The following PRRX2 variants were observed in gnomAD, a reference collection of about 807,000 sequenced individuals.
PRRX2 encodes the protein paired related homeobox 2, also known as paired mesoderm homeobox protein 2.
Under a neutral mutation model 18.0 loss-of-function variants are expected in PRRX2, and 11 were observed. That is an observed-to-expected ratio of 0.61 (90% CI 0.39 to 1.01). The LOEUF is 1.01. Ranked by LOEUF, PRRX2 falls within the 50% of genes least tolerant of loss-of-function variation. The pLI, the probability that PRRX2 is intolerant of heterozygous loss-of-function variation, is 0.01. For synonymous variants in PRRX2, 177 were observed against 154.8 expected, an observed-to-expected ratio of 1.14 and a Z score of -1.06; for missense variants, 387 against 351.0, an observed-to-expected ratio of 1.10 and a Z score of -0.82.
At chr9:129,706,423 C>T (rs891953368) in intron 1 of PRRX2, among the ~76,000 whole-genome samples, 13 of 152,122 alleles carry the variant, frequency 8.5e-5, no homozygotes, top group Admixed American at 8.5e-4. Flanking sequence ...AGTTAACAGA[C>T]GTGGTGGCAT....
rs1051489344 is a variant in PRRX2, at chr9:129,675,917, CAAAT to C, written c.259+9794_259+9797del. On this transcript the variant is annotated intron_variant, in intron 1 of 3. Transcript: ENST00000372469. This position sits in a 1 kb window ranked among gnomAD's most constrained non-coding sequence, Gnocchi z 4.4. The stretch of plus-strand genomic sequence containing the variant: ...AGTGCACCTCCTTTCATTAGACTAA[CAAAT>C]AACGCGTAACAGAAAACAGCTGTTA... Among the ~76,000 whole-genome samples the C allele has an allele frequency of 2.6e-5, 4 of 152,180 alleles. No individual in the cohort carries two copies. Among genetic ancestry groups the C allele is most frequent in the African/African-American group, 4.8e-5 (2 of 41,442 alleles).
At chr9:129,705,565 G>A (rs899692502) in intron 1 of PRRX2, among the ~76,000 whole-genome samples, 5 of 151,960 alleles carry the variant, frequency 3.3e-5, no homozygotes, top group African/African-American at 4.8e-5. Flanking sequence ...ATGTTGGCCA[G>A]ACTGGTCTTG....
intron 1 of PRRX2, among the ~76,000 whole-genome samples, chr9:129,700,938 G>A (rs1323238557): frequency 6.6e-6 from 1 of 152,200 alleles, no homozygotes; most frequent in Non-Finnish European, 1.5e-5. Flanking sequence ...CCTTTTGTGG[G>A]CTGGCCTGTT....
intron 3 of PRRX2, among the ~76,000 whole-genome samples, chr9:129,721,736 C>G (rs1012806971): frequency 6.6e-6 from 1 of 152,148 alleles, no homozygotes. Flanking sequence ...CCCGTCACCA[C>G]GCCAAGCTAA....
At chr9:129,711,024 T>C (rs187631272) in intron 1 of PRRX2, among the ~76,000 whole-genome samples, 63 of 152,264 alleles carry the variant, frequency 4.1e-4, no homozygotes, top group African/African-American at 1.5e-3. Context: ...CCTGTGTGCC[T>C]GAAGCCACAT....
chr9:129,677,916 G>A (rs1832180751), intron 1 of PRRX2, among the ~76,000 whole-genome samples: 1 of 151,488 alleles, frequency 6.6e-6, no homozygotes, highest in South Asian at 2.1e-4. Flanking sequence ...TGTTGCTGTT[G>A]CAGCAAATTT....
intron 3 of PRRX2, among the ~76,000 whole-genome samples, chr9:129,721,541 C>T (rs113445148): frequency 0.01 from 1,554 of 152,102 alleles, 8 homozygotes; most frequent in South Asian, 0.019. Flanking sequence ...CCCTATTCAT[C>T]GTTACAGGGG....
At chr9:129,687,555 T>G (rs1446286364) in intron 1 of PRRX2, among the ~76,000 whole-genome samples, 1 of 152,232 alleles carries the variant, frequency 6.6e-6, no homozygotes, top group East Asian at 1.9e-4. Context: ...GGCTTCCCTC[T>G]GCACACTCAA....
At chr9:129,674,312 T>TA (rs918229418) in intron 1 of PRRX2, among the ~76,000 whole-genome samples, 3 of 152,144 alleles carry the variant, frequency 2.0e-5, no homozygotes, top group African/African-American at 7.2e-5. Context: ...CCTTGTGTCC[T>TA]AAAAATGAAG....
At chr9:129,682,935 C>A (rs1245843506) in intron 1 of PRRX2, among the ~76,000 whole-genome samples, 3 of 152,040 alleles carry the variant, frequency 2.0e-5, no homozygotes, top group East Asian at 3.9e-4. Context: ...TGAACCCCCC[C>A]CATCTCTACT....
In PRRX2 at chr9:129,695,907, C is replaced by T. The variant is rs908058834; in HGVS notation, c.260-23324C>T. On this transcript the variant is annotated intron_variant, in intron 1 of 3. Transcript: ENST00000372469. The surrounding 1 kb of genome is among the most constrained non-coding windows in gnomAD (Gnocchi z 4.8). ...TGTAAGCAGCTCAGAAAAAAACACT[C>T]TTCTCCCATTTTAAGGGTGAACATG... is the stretch of plus-strand genomic sequence containing the variant. Among the ~76,000 whole-genome samples, 2 of 152,172 alleles carry T rather than the reference C, an allele frequency of 1.3e-5. No homozygotes were observed. Among genetic ancestry groups the T allele is most frequent in the African/African-American group, 4.8e-5 (2 of 41,436 alleles).
At chr9:129,714,317 C>T (rs1183196428) in intron 1 of PRRX2, among the ~76,000 whole-genome samples, 2 of 150,892 alleles carry the variant, frequency 1.3e-5, no homozygotes, top group African/African-American at 2.4e-5. Flanking sequence ...GTAGCAGAAT[C>T]GCTTGAACCC....
At chr9:129,713,096 C>G (rs903938595) in intron 1 of PRRX2, 3 of 152,222 alleles carry the variant, frequency 2.0e-5, no homozygotes, top group Admixed American at 6.5e-5. Flanking sequence ...GCTGTGGGTT[C>G]GAGTTCTGGT....
chr9:129,699,821 C>T (rs940773759), intron 1 of PRRX2, among the ~76,000 whole-genome samples: 1 of 152,152 alleles, frequency 6.6e-6, no homozygotes, highest in African/African-American at 2.4e-5. Context: ...TCAGTGCAAG[C>T]TTTGGGGAGG....
chr9:129,705,868 G>C (rs1832550919), intron 1 of PRRX2, among the ~76,000 whole-genome samples: 1 of 151,490 alleles, frequency 6.6e-6, no homozygotes, highest in South Asian at 2.1e-4. Context: ...CTGAGGTCAG[G>C]AGTTCAAGAG....
chr9:129,679,557 T>TG (rs547482801), intron 1 of PRRX2, among the ~76,000 whole-genome samples: 389 of 152,252 alleles, frequency 2.6e-3, no homozygotes, highest in Non-Finnish European at 4.1e-3. Flanking sequence ...AGTAAGTACG[T>TG]GGGGGCACCA....
chr9:129,690,311 T>C (rs1208472075), intron 1 of PRRX2, among the ~76,000 whole-genome samples: 1 of 152,228 alleles, frequency 6.6e-6, no homozygotes, highest in Non-Finnish European at 1.5e-5. Flanking sequence ...CAACTCACTT[T>C]AGAAAGGCCC....
At chr9:129,700,125 T>C (rs1242892515) in intron 1 of PRRX2, among the ~76,000 whole-genome samples, 1 of 152,168 alleles carries the variant, frequency 6.6e-6, no homozygotes, top group Non-Finnish European at 1.5e-5. Context: ...AAGAACCTTA[T>C]ATATATATTC....
Position 129,704,769 on chromosome 9 carries a change from C to T in PRRX2, c.260-14462C>T, listed in dbSNP as rs182406362. Among the ~76,000 whole-genome samples, 12 of 152,258 alleles carry T rather than the reference C, an allele frequency of 7.9e-5. No individual in the cohort carries two copies. In the East Asian group the frequency reaches 1.5e-3, roughly 20 times the overall value. The stretch of plus-strand genomic sequence containing the variant: ...ACGACAAGAATGACAGGTTTGAGAC[C>T]GCAGAGCTGTTTGCAGGTTTGTTGC... On this transcript the variant is annotated intron_variant, in intron 1 of 3. Transcript: ENST00000372469.
Sources: gnomAD v4.1 joint callset for allele counts (sites outside exome capture counted in the v4.1 genomes callset) on GRCh38, gnomAD v4.1.1 for gene constraint, Gnocchi (gnomAD v3.1) non-coding constraint, MANE v1.5 for transcripts, NCBI Gene and HGNC (gene_info 2026-07-23, HGNC 2026-07-21) for gene names.